Variants in UQCC6 observed in about 807,000 individuals in gnomAD.
UQCC6 encodes the protein protein BRAWNIN.
At chr12:103,958,275 C>A in the UQCC6 span, among the ~76,000 whole-genome samples, 1 of 150,516 alleles carries the variant, frequency 6.6e-6, no homozygotes, top group African/African-American at 2.4e-5. Flanking sequence ...GTATGTATGA[C>A]AAATCATAAT....
At chr12:103,954,655 C>T in the UQCC6 span, 2 of 373,102 alleles carry the variant, frequency 5.4e-6, no homozygotes, top group Non-Finnish European at 4.8e-6. Context: ...TTGGAGGAGA[C>T]AAATATCCAA....
the UQCC6 span, among the ~76,000 whole-genome samples, chr12:103,952,769 T>C: frequency 5.1e-4 from 78 of 152,318 alleles, no homozygotes; most frequent in African/African-American, 1.8e-3. Flanking sequence ...TGGCTAATGA[T>C]GCTGAGCATC....
the UQCC6 span, chr12:103,954,619 T>G: frequency 1.6e-5 from 5 of 305,230 alleles, no homozygotes; most frequent in Non-Finnish European, 2.4e-5. Context: ...ACTTCCAACA[T>G]TGGGGATCAC....
chr12:103,960,495 A>G, the UQCC6 span, among the ~76,000 whole-genome samples: 1 of 152,200 alleles, frequency 6.6e-6, no homozygotes, highest in South Asian at 2.1e-4. Flanking sequence ...AGCTATTCTA[A>G]TATGTGGGTA....
At chr12:103,956,625 A>G in the UQCC6 span, 1 of 1,536,070 alleles carries the variant, frequency 6.5e-7, no homozygotes, top group South Asian at 1.2e-5. Context: ...GCCCTCCCGC[A>G]CTCACCAGGT....
the UQCC6 span, among the ~76,000 whole-genome samples, chr12:103,952,688 C>T: frequency 6.6e-6 from 1 of 152,194 alleles, no homozygotes; most frequent in Non-Finnish European, 1.5e-5. Context: ...TTGTTACTCT[C>T]TGTTTTACTA....
chr12:103,963,531 G>A, the UQCC6 span, among the ~76,000 whole-genome samples: 157 of 152,240 alleles, frequency 1.0e-3, no homozygotes, highest in South Asian at 5.2e-3. Flanking sequence ...ATTTTGGTTA[G>A]CATTATATTG....
At chr12:103,963,264 C>T in the UQCC6 span, among the ~76,000 whole-genome samples, 6 of 151,998 alleles carry the variant, frequency 3.9e-5, no homozygotes, top group African/African-American at 9.7e-5. Context: ...TTAGCAGAGA[C>T]GGGGTTTCAC....
chr12:103,960,787 A>T, the UQCC6 span, among the ~76,000 whole-genome samples: 2 of 152,158 alleles, frequency 1.3e-5, no homozygotes, highest in East Asian at 1.9e-4. Context: ...GTCAAACACC[A>T]TGTGTCCGTG....
chr12:103,953,800 C>T, the UQCC6 span, among the ~76,000 whole-genome samples: 1 of 152,212 alleles, frequency 6.6e-6, no homozygotes, highest in African/African-American at 2.4e-5. Context: ...GCTGCTGTAA[C>T]AACCCTTGCA....
At chr12:103,964,958 C>G in the UQCC6 span, among the ~76,000 whole-genome samples, 1 of 152,152 alleles carries the variant, frequency 6.6e-6, no homozygotes, top group South Asian at 2.1e-4. Flanking sequence ...GAGCACAGAG[C>G]CACAGCCATC....
chr12:103,962,248 A>G, the UQCC6 span, among the ~76,000 whole-genome samples: 3 of 152,184 alleles, frequency 2.0e-5, no homozygotes, highest in Admixed American at 6.5e-5. Context: ...TGATCTGCAA[A>G]TATTTTCTCC....
At chr12:103,953,147 G>C in the UQCC6 span, among the ~76,000 whole-genome samples, 3 of 152,302 alleles carry the variant, frequency 2.0e-5, no homozygotes, top group African/African-American at 7.2e-5. Context: ...GACCACAGGA[G>C]AGCAAGAGTC....
the UQCC6 span, among the ~76,000 whole-genome samples, chr12:103,962,104 A>G: frequency 6.6e-6 from 1 of 152,202 alleles, no homozygotes; most frequent in African/African-American, 2.4e-5. Flanking sequence ...ACAAATGACC[A>G]TATTTTCTTG....
At chr12:103,954,589 A>G in the UQCC6 span, 1 of 251,586 alleles carries the variant, frequency 4.0e-6, no homozygotes, top group East Asian at 9.1e-5. Context: ...CCATGACCCA[A>G]ACACCTCCCG....
At chr12:103,962,050 T>C in the UQCC6 span, among the ~76,000 whole-genome samples, 7 of 152,320 alleles carry the variant, frequency 4.6e-5, no homozygotes, top group East Asian at 1.9e-4. Context: ...CTCTGTAACA[T>C]TGTCACAATG....
chr12:103,955,935 A>C, the UQCC6 span, among the ~76,000 whole-genome samples: 1 of 152,356 alleles, frequency 6.6e-6, no homozygotes, highest in African/African-American at 2.4e-5. Flanking sequence ...ATAGTCACTC[A>C]TCCTTCATTC....
the UQCC6 span, among the ~76,000 whole-genome samples, chr12:103,962,359 C>A: frequency 2.6e-5 from 4 of 151,630 alleles, no homozygotes; most frequent in Non-Finnish European, 5.9e-5. Context: ...AAAATATAAC[C>A]CAGGGTCATA....
the UQCC6 span, chr12:103,956,533 A>G: frequency 2.5e-6 from 2 of 785,982 alleles, no homozygotes; most frequent in Non-Finnish European, 4.3e-6. Context: ...GTCCAGGAGC[A>G]TCTGCATTGC....
Sources: allele counts gnomAD v4.1 joint callset (sites outside exome capture counted in the v4.1 genomes callset), GRCh38; gene constraint gnomAD v4.1.1; transcripts MANE v1.5; gene names NCBI Gene and HGNC (gene_info 2026-07-23, HGNC 2026-07-21).